The following SDK2 variants were observed in gnomAD, a reference collection of about 807,000 sequenced individuals.
The protein encoded by SDK2 is sidekick cell adhesion molecule 2.
Under a neutral mutation model 253.9 loss-of-function variants are expected in SDK2, and 105 were observed. That is an observed-to-expected ratio of 0.41 (90% CI 0.35 to 0.49). The LOEUF is 0.49. Among genes scored for constraint, SDK2 ranks in the 20% least tolerant of loss-of-function variants. SDK2 has a pLI of 0.06. For synonymous variants in SDK2, 1,249 were observed against 1,234.9 expected (o/e 1.01, Z -0.24); for missense variants, 2,608 against 3,003.0 (o/e 0.87, Z 3.07).
At chr17:73,606,549 G>T (rs2045909923) in intron 1 of SDK2, among the ~76,000 whole-genome samples, 1 of 152,220 alleles carries the variant, frequency 6.6e-6, no homozygotes, top group African/African-American at 2.4e-5. Context: ...AGCCACGAAG[G>T]CGGGTTTCAC....
chr17:73,626,206 C>T (rs1041226996), intron 1 of SDK2, among the ~76,000 whole-genome samples: 6 of 152,216 alleles, frequency 3.9e-5, no homozygotes, highest in African/African-American at 1.4e-4. Context: ...AAGAGATGTG[C>T]CAGAATTGCG....
At chr17:73,636,645 C>T (rs1420162960) in intron 1 of SDK2, among the ~76,000 whole-genome samples, 3 of 130,136 alleles carry the variant, frequency 2.3e-5, no homozygotes, top group African/African-American at 9.0e-5. Flanking sequence ...CATGCCACTG[C>T]ACTCCAGCCT....
At chr17:73,468,688 TA>T (rs1485578144) in intron 3 of SDK2, among the ~76,000 whole-genome samples, 1 of 148,486 alleles carries the variant, frequency 6.7e-6, no homozygotes, top group African/African-American at 2.5e-5. Context: ...ATTTTTTTTT[TA>T]ATTTTTTTTT....
rs2063238930 is a variant in SDK2 at position 73,422,319 on chromosome 17, C to T, written c.2013G>A (p.Val671=). The T allele has an allele frequency of 1.2e-6, 2 of 1,613,982 alleles. No homozygotes were observed. The highest frequency in any genetic ancestry group is 1.7e-6 in the Non-Finnish European group (2 of 1,179,892). The change falls in exon 15 of 45, where the codon GTG becomes GTA. Residue 671 remains valine, a synonymous_variant. Coordinates refer to ENST00000392650, the MANE Select transcript of SDK2 (RefSeq NM_001144952.2). ...YQFRLCAVND[V]GKGQFSKDTE... ...TGTCTTTGCTGAACTGTCCTTTCCC[C>T]ACGTCGTTGACGGCACAAAGACGGA...
At chr17:73,346,407 A>AT (rs202087594) in intron 44 of SDK2, among the ~76,000 whole-genome samples, 20,006 of 146,564 alleles carry the variant, frequency 0.14, 1,581 homozygotes, top group South Asian at 0.22. Flanking sequence ...AAGTATATAC[A>AT]TTTTTTTTTT....
chr17:73,625,389 G>C (rs1205745349), intron 1 of SDK2, among the ~76,000 whole-genome samples: 1 of 152,192 alleles, frequency 6.6e-6, no homozygotes, highest in Non-Finnish European at 1.5e-5. Context: ...TCAGCCCCAT[G>C]AGAGGGGGCA....
chr17:73,593,116 C>A (rs955026894), intron 1 of SDK2, among the ~76,000 whole-genome samples: 1 of 152,128 alleles, frequency 6.6e-6, no homozygotes, highest in African/African-American at 2.4e-5. Context: ...TCCTCCTCCC[C>A]ACCCCAGCTC....
chr17:73,632,959 TG>T (rs2046287879), intron 1 of SDK2, among the ~76,000 whole-genome samples: 2 of 152,146 alleles, frequency 1.3e-5, no homozygotes, highest in South Asian at 4.2e-4. Flanking sequence ...AGATAGCCCA[TG>T]GAGTAGAATG....
At chr17:73,555,865 G>A (rs560373037) in intron 1 of SDK2, among the ~76,000 whole-genome samples, 8 of 152,330 alleles carry the variant, frequency 5.3e-5, no homozygotes, top group African/African-American at 1.7e-4. Flanking sequence ...GAGGTTTGGC[G>A]GCTTGAAACC....
In SDK2 at chr17:73,423,972, G is replaced by T; in HGVS notation, c.1704C>A (p.Thr568=). The T allele has an allele frequency of 6.2e-7, 1 of 1,607,464 alleles. No homozygotes were observed. Among genetic ancestry groups the T allele is most frequent in the Admixed American group, 1.7e-5 (1 of 59,238 alleles). ...QTWSGDIGTY[T]CRVISAGGND... ...TGCCTCCTGCTGAGATCACCCGGCA[G>T]GTGTACGTGCCGATGTCTCCCGACC... Residue 568 remains threonine, a synonymous_variant, in exon 13 of 45, where the codon ACC becomes ACA. Coordinates refer to ENST00000392650, the MANE Select transcript of SDK2 (RefSeq NM_001144952.2).
chr17:73,483,641 ATGTGTG>A (rs1174506982), intron 2 of SDK2, among the ~76,000 whole-genome samples: 1 of 83,688 alleles, frequency 1.2e-5, no homozygotes, highest in African/African-American at 4.4e-5. Context: ...GTATATATAT[ATGTGTG>A]TGTGTGTGTG....
Position 73,398,170 on chromosome 17 carries a change from C to T in SDK2, c.3219G>A (p.Gln1073=), listed in dbSNP as rs1599524243. 1.2e-6 allele frequency: 2 copies of T among 1,612,568 alleles called. No homozygotes were observed. The highest frequency in any genetic ancestry group is 1.3e-5 in the African/African-American group (1 of 75,048). Residue 1073 remains glutamine (Q), a synonymous_variant, in exon 24 of 45, where the codon CAG becomes CAA. Coordinates refer to ENST00000392650, the MANE Select transcript of SDK2 (RefSeq NM_001144952.2). ...PFTCYSFRMR[Q]VNIVGTSPPS... is the part of the protein sequence containing the mutation. The stretch of plus-strand genomic sequence containing the variant: ...GGGGGCTGGTGCCCACGATGTTCAC[C>T]TGGCGCATGCGGAAGCTGGGGTTGG...
chr17:73,635,537 G>A (rs1188172115), intron 1 of SDK2, among the ~76,000 whole-genome samples: 1 of 152,170 alleles, frequency 6.6e-6, no homozygotes, highest in Non-Finnish European at 1.5e-5. Context: ...CAGAGTCCTG[G>A]CTTTACGAGG....
rs2062813748 is a variant in SDK2, at chr17:73,379,582, T to C, written c.4763-33A>G. 1 of 1,354,258 alleles carries C rather than the reference T, an allele frequency of 7.4e-7. No individual in the cohort carries two copies. Among genetic ancestry groups the C allele is most frequent in the East Asian group, 2.3e-5 (1 of 43,390 alleles). 83.9% of individuals were successfully genotyped at this position (1,354,258 alleles called of 1,614,324 possible). On this transcript the variant is annotated intron_variant, in intron 34 of 44. Transcript: ENST00000392650. This position sits in a 1 kb window ranked among gnomAD's most constrained non-coding sequence, Gnocchi z 4.5. ...GGAGAGTGGGGGAGGGGAAGCACAC[T>C]GAGGTCACCGTCATTGCTGGGAAGG... is the stretch of plus-strand genomic sequence containing the variant.
At chr17:73,434,484 C>T (rs534377720) in intron 9 of SDK2, among the ~76,000 whole-genome samples, 34 of 152,334 alleles carry the variant, frequency 2.2e-4, no homozygotes, top group African/African-American at 7.9e-4. Flanking sequence ...AAGCTCTCTG[C>T]CCCACAGCTG....
intron 1 of SDK2, among the ~76,000 whole-genome samples, chr17:73,617,292 G>A (rs2046073130): frequency 6.8e-6 from 1 of 147,854 alleles, no homozygotes; most frequent in Non-Finnish European, 1.5e-5. Context: ...GGAGGGGAGA[G>A]GCCTCCTGCA....
intron 1 of SDK2, among the ~76,000 whole-genome samples, chr17:73,574,857 G>A (rs557612353): frequency 6.6e-6 from 1 of 152,284 alleles, no homozygotes; most frequent in South Asian, 2.1e-4. Flanking sequence ...GTCTCTGGTG[G>A]AAACCCAGTG....
intron 3 of SDK2, among the ~76,000 whole-genome samples, chr17:73,466,720 C>CG (rs2063601032): frequency 6.8e-6 from 1 of 146,408 alleles, no homozygotes. Context: ...GGAACGCCCC[C>CG]CCCCCCCGGC....
At chr17:73,555,612 A>G (rs950954521) in intron 1 of SDK2, among the ~76,000 whole-genome samples, 1 of 152,172 alleles carries the variant, frequency 6.6e-6, no homozygotes, top group Non-Finnish European at 1.5e-5. Flanking sequence ...TGAATCCCCT[A>G]TCATCTCCCT....
Sources: gnomAD v4.1 joint callset for allele counts (sites outside exome capture counted in the v4.1 genomes callset) on GRCh38, gnomAD v4.1.1 for gene constraint, Gnocchi (gnomAD v3.1) non-coding constraint, MANE v1.5 for transcripts, NCBI Gene and HGNC (gene_info 2026-07-23, HGNC 2026-07-21) for gene names.